MAGI2: variants seen among roughly 807,000 people sequenced by gnomAD.
MAGI2 encodes membrane associated guanylate kinase, WW and PDZ domain containing 2.
MAGI2 carries 35 observed loss-of-function variants against 133.3 expected under a neutral mutation model. The ratio of observed to expected loss-of-function variants is 0.26; its 90% CI spans 0.20 to 0.35. The LOEUF (loss-of-function observed/expected upper bound fraction) is 0.35. MAGI2 is among the 10% of genes least tolerant of loss of function. The pLI is 1.00. For missense variants in MAGI2, 1,636 were observed against 1,863.4 expected (o/e 0.88, Z 2.25); for synonymous variants, 729 against 710.6 (o/e 1.03, Z -0.41).
At chr7:78,177,323 T>A (rs1826737532) in intron 14 of MAGI2, among the ~76,000 whole-genome samples, 2 of 152,158 alleles carry the variant, frequency 1.3e-5, no homozygotes, top group African/African-American at 4.8e-5. Flanking sequence ...GAGTGTTTTA[T>A]AGCTTATATT....
chr7:78,255,633 A>G (rs893956313), intron 10 of MAGI2: 2 of 556,538 alleles, frequency 3.6e-6, no homozygotes, highest in Non-Finnish European at 6.2e-6. Flanking sequence ...TGACCGATAC[A>G]TGAATGAATT....
chr7:79,134,905 T>C lies in MAGI2; in HGVS notation c.302-127699A>G, dbSNP rs1821242433. On this transcript the variant is annotated intron_variant, in intron 1 of 21. Transcript: ENST00000354212. ...ATATGATTCCCTGTTTGTGTATTAA[T>C]AGAGGGTTAGATTAGCCAGGACTTG... Among the ~76,000 whole-genome samples, 4 of 152,178 alleles carry C rather than the reference T, an allele frequency of 2.6e-5. No individual in the cohort carries two copies. In the South Asian group the frequency reaches 8.3e-4, roughly 32 times the overall value.
intron 2 of MAGI2, among the ~76,000 whole-genome samples, chr7:78,898,212 G>A (rs1797354398): frequency 7.8e-6 from 1 of 128,228 alleles, no homozygotes; most frequent in African/African-American, 2.5e-5. Context: ...CAGGAGAAAA[G>A]GAACTCTTAT....
intron 14 of MAGI2, 51 bp from the exon 15 acceptor site, chr7:78,168,159 T>A (rs765062285): frequency 5.0e-5 from 15 of 302,942 alleles, no homozygotes; most frequent in Non-Finnish European, 1.8e-5. Context: ...TCCTTTTTCC[T>A]TTTTTTTTTT....
At chr7:78,660,898 T>C (rs911641176) in intron 2 of MAGI2, among the ~76,000 whole-genome samples, 1 of 152,216 alleles carries the variant, frequency 6.6e-6, no homozygotes, top group Non-Finnish European at 1.5e-5. Context: ...TTCATAACTC[T>C]GTTTATTGAA....
intron 1 of MAGI2, among the ~76,000 whole-genome samples, chr7:79,364,230 C>T (rs549406287): frequency 1.2e-4 from 19 of 152,020 alleles, no homozygotes; most frequent in South Asian, 4.1e-4. Flanking sequence ...ATCCAGTAAA[C>T]GCACTATAGG....
intron 2 of MAGI2, among the ~76,000 whole-genome samples, chr7:78,681,072 T>C (rs2151094893): frequency 6.6e-6 from 1 of 152,248 alleles, no homozygotes; most frequent in Non-Finnish European, 1.5e-5. Flanking sequence ...TTGCAGGACA[T>C]TTAAAATGTC....
chr7:78,447,838 T>C (rs1356210606), intron 6 of MAGI2, among the ~76,000 whole-genome samples: 1 of 152,156 alleles, frequency 6.6e-6, no homozygotes, highest in African/African-American at 2.4e-5. Flanking sequence ...TTGTTAACCA[T>C]AGTTACCCAC....
At chr7:78,399,382 G>A (rs887730486) in intron 6 of MAGI2, among the ~76,000 whole-genome samples, 2 of 152,210 alleles carry the variant, frequency 1.3e-5, no homozygotes, top group African/African-American at 4.8e-5. Flanking sequence ...CGTGTTATAT[G>A]CTGTGAAATG....
intron 2 of MAGI2, chr7:79,000,425 A>G (rs1270994396): frequency 6.6e-6 from 1 of 152,184 alleles, no homozygotes; most frequent in Non-Finnish European, 1.5e-5. Flanking sequence ...CAACCTTTAT[A>G]GTACTAATTT....
chr7:78,220,397 A>G (rs1788696127), intron 10 of MAGI2, among the ~76,000 whole-genome samples: 1 of 152,170 alleles, frequency 6.6e-6, no homozygotes, highest in African/African-American at 2.4e-5. Context: ...ACACCAGGAC[A>G]CTTCATTGTT....
intron 2 of MAGI2, among the ~76,000 whole-genome samples, chr7:78,797,616 T>G (rs1787723590): frequency 6.6e-6 from 1 of 152,198 alleles, no homozygotes; most frequent in African/African-American, 2.4e-5. Flanking sequence ...GTTAATCACA[T>G]ACAAATGTAA....
chr7:79,006,368 A>G (rs1488124201), intron 2 of MAGI2, among the ~76,000 whole-genome samples: 1 of 152,208 alleles, frequency 6.6e-6, no homozygotes, highest in Admixed American at 6.5e-5. Flanking sequence ...TGCCTTGAAG[A>G]AAATGGATTT....
At chr7:79,235,181 C>A (rs1483718404) in intron 1 of MAGI2, among the ~76,000 whole-genome samples, 2 of 152,108 alleles carry the variant, frequency 1.3e-5, no homozygotes, top group African/African-American at 4.8e-5. Flanking sequence ...GTTGGGAGAA[C>A]CACTGCTCTC....
At chr7:78,828,480 A>G (rs1347109360) in intron 2 of MAGI2, among the ~76,000 whole-genome samples, 1 of 151,986 alleles carries the variant, frequency 6.6e-6, no homozygotes, top group Non-Finnish European at 1.5e-5. Context: ...TCTGAGAGAC[A>G]TTCTATAAAA....
At chr7:78,812,586 A>ATG (rs10542588) in intron 2 of MAGI2, among the ~76,000 whole-genome samples, 7,309 of 149,382 alleles carry the variant, frequency 0.049, 216 homozygotes, top group Admixed American at 0.11. Context: ...ATATGTATGT[A>ATG]TGTGTGTGTG....
intron 1 of MAGI2, among the ~76,000 whole-genome samples, chr7:79,026,538 T>A (rs1809902488): frequency 6.6e-6 from 1 of 152,048 alleles, no homozygotes. Context: ...TATGAGGAAC[T>A]CAAACAACTC....
At chr7:79,340,013 T>C (rs1399076780) in intron 1 of MAGI2, among the ~76,000 whole-genome samples, 1 of 152,166 alleles carries the variant, frequency 6.6e-6, no homozygotes, top group African/African-American at 2.4e-5. Flanking sequence ...CAGCATTGAC[T>C]CAGTTTTACT....
chr7:78,069,099 G>A (rs1814168857), intron 21 of MAGI2, among the ~76,000 whole-genome samples: 1 of 152,168 alleles, frequency 6.6e-6, no homozygotes, highest in Non-Finnish European at 1.5e-5. Flanking sequence ...GACAATGGGA[G>A]GAAAATCTAG....
Sources: allele counts gnomAD v4.1 joint callset (sites outside exome capture counted in the v4.1 genomes callset), GRCh38; gene constraint gnomAD v4.1.1; transcripts MANE v1.5; gene names NCBI Gene and HGNC (gene_info 2026-07-23, HGNC 2026-07-21).